TUSC3: variants seen among roughly 807,000 people sequenced by gnomAD.
TUSC3 encodes tumor suppressor candidate 3.
Under a neutral mutation model 44.8 loss-of-function variants are expected in TUSC3, and 45 were observed. The ratio of observed to expected loss-of-function variants is 1.00; its 90% CI spans 0.79 to 1.29. The LOEUF (loss-of-function observed/expected upper bound fraction) is 1.29. Ranked by LOEUF, TUSC3 falls within the 50% of genes most tolerant of loss-of-function variation. TUSC3 has a pLI of 0.00. For synonymous variants in TUSC3, 212 were observed against 152.9 expected (o/e 1.39, Z -2.85); for missense variants, 519 against 437.9 (o/e 1.19, Z -1.65).
chr8:15,685,736 T>C (rs1012678187), intron 6 of TUSC3, among the ~76,000 whole-genome samples: 1 of 152,170 alleles, frequency 6.6e-6, no homozygotes, highest in Non-Finnish European at 1.5e-5. Flanking sequence ...CAGACCTATA[T>C]GAGCTCTGAA....
intron 1 of TUSC3, among the ~76,000 whole-genome samples, chr8:15,440,249 G>A (rs1390009265): frequency 6.6e-6 from 1 of 152,148 alleles, no homozygotes; most frequent in Non-Finnish European, 1.5e-5. Flanking sequence ...ACGGGCAGTG[G>A]AAACAACACA....
intron 1 of TUSC3, among the ~76,000 whole-genome samples, chr8:15,482,497 C>T (rs756387540): frequency 2.6e-5 from 4 of 152,140 alleles, no homozygotes; most frequent in Non-Finnish European, 4.4e-5. Context: ...ACTGTTGAGA[C>T]CTGCTGCTTA....
At chr8:15,743,938 G>C (rs1369174913) in intron 8 of TUSC3, among the ~76,000 whole-genome samples, 1 of 152,004 alleles carries the variant, frequency 6.6e-6, no homozygotes, top group Non-Finnish European at 1.5e-5. Context: ...AAATTTTGAG[G>C]GCAGAGTCTT....
intron 1 of TUSC3, among the ~76,000 whole-genome samples, chr8:15,446,133 C>T (rs953380610): frequency 8.3e-5 from 10 of 121,190 alleles, no homozygotes; most frequent in African/African-American, 2.8e-4. Context: ...CAGACGGGGT[C>T]GCGGCCGGGC....
chr8:15,728,225 G>A (rs555394806), intron 6 of TUSC3, among the ~76,000 whole-genome samples: 8 of 152,150 alleles, frequency 5.3e-5, no homozygotes, highest in Non-Finnish European at 7.4e-5. Flanking sequence ...AGTTTTGACA[G>A]TATTCATCTG....
intron 1 of TUSC3, among the ~76,000 whole-genome samples, chr8:15,614,876 A>G (rs953687596): frequency 6.7e-6 from 1 of 150,262 alleles, no homozygotes; most frequent in African/African-American, 2.4e-5. Flanking sequence ...TTTCCAATTT[A>G]CTTTTTATAT....
At chr8:15,615,639 A>T (rs985327690) in intron 1 of TUSC3, among the ~76,000 whole-genome samples, 1 of 152,176 alleles carries the variant, frequency 6.6e-6, no homozygotes, top group Non-Finnish European at 1.5e-5. Flanking sequence ...CAGCACAAGG[A>T]AATGATAAAT....
At chr8:15,795,100 A>G in the TUSC3 span, among the ~76,000 whole-genome samples, 1 of 152,136 alleles carries the variant, frequency 6.6e-6, no homozygotes, top group Non-Finnish European at 1.5e-5. Context: ...AATTGAGGCT[A>G]TTACCAACAA....
chr8:15,626,620 C>T (rs1007355765), intron 2 of TUSC3, among the ~76,000 whole-genome samples: 3 of 152,186 alleles, frequency 2.0e-5, no homozygotes, highest in Non-Finnish European at 2.9e-5. Flanking sequence ...CAGGAAGGCC[C>T]CCCTTACCCC....
intron 6 of TUSC3, among the ~76,000 whole-genome samples, chr8:15,711,263 C>G (rs941846090): frequency 6.6e-6 from 1 of 151,758 alleles, no homozygotes; most frequent in African/African-American, 2.4e-5. Context: ...TAAGGGTTCT[C>G]TCCCTTCTTT....
chr8:15,604,325 T>A (rs1415268525), intron 1 of TUSC3, among the ~76,000 whole-genome samples: 1 of 151,594 alleles, frequency 6.6e-6, no homozygotes, highest in Non-Finnish European at 1.5e-5. Flanking sequence ...AATTCAGAGG[T>A]ACCTGTAGTA....
intron 6 of TUSC3, among the ~76,000 whole-genome samples, chr8:15,695,271 G>C (rs1809110820): frequency 6.6e-6 from 1 of 152,172 alleles, no homozygotes; most frequent in Non-Finnish European, 1.5e-5. Flanking sequence ...CATGGGGGTA[G>C]GTCTTTATCA....
chr8:15,826,895 G>T, the TUSC3 span, among the ~76,000 whole-genome samples: 2 of 152,158 alleles, frequency 1.3e-5, no homozygotes, highest in African/African-American at 4.8e-5. Flanking sequence ...TTGGAGCTGG[G>T]TTGGGAACAG....
the TUSC3 span, among the ~76,000 whole-genome samples, chr8:15,773,824 A>AC: frequency 6.6e-6 from 1 of 152,212 alleles, no homozygotes; most frequent in African/African-American, 2.4e-5. Context: ...GAGTGCCAAA[A>AC]CCATCAGCTG....
intron 8 of TUSC3, among the ~76,000 whole-genome samples, chr8:15,748,014 A>T (rs1045664935): frequency 3.9e-5 from 6 of 152,118 alleles, no homozygotes; most frequent in East Asian, 1.9e-4. Flanking sequence ...AAGAGGCAAT[A>T]ATCTTGTTTG....
chr8:15,802,016 G>T, the TUSC3 span, among the ~76,000 whole-genome samples: 1 of 152,158 alleles, frequency 6.6e-6, no homozygotes, highest in African/African-American at 2.4e-5. Context: ...TCTTCGAGAA[G>T]AATCTTGGCC....
At chr8:15,785,700 G>A in the TUSC3 span, among the ~76,000 whole-genome samples, 1 of 152,030 alleles carries the variant, frequency 6.6e-6, no homozygotes, top group Non-Finnish European at 1.5e-5. Flanking sequence ...TGGACAATAA[G>A]GTTATTAATG....
chr8:15,538,890 C>T (rs960122579), upstream of TUSC3, among the ~76,000 whole-genome samples: 11 of 151,814 alleles, frequency 7.2e-5, no homozygotes, highest in African/African-American at 2.7e-4. Context: ...TGCTCTGTCT[C>T]CCAGGCTGGA....
chr8:15,739,710 TGAA>T (rs1238073812), intron 7 of TUSC3, among the ~76,000 whole-genome samples: 2 of 152,350 alleles, frequency 1.3e-5, no homozygotes, highest in African/African-American at 2.4e-5. Flanking sequence ...CTGTGCTTTA[TGAA>T]GAAGATTTTT....
Sources: allele counts gnomAD v4.1 joint callset (sites outside exome capture counted in the v4.1 genomes callset), GRCh38; gene constraint gnomAD v4.1.1; transcripts MANE v1.5; gene names NCBI Gene and HGNC (gene_info 2026-07-23, HGNC 2026-07-21).